SCN3B: variants seen among roughly 807,000 people sequenced by gnomAD.
The protein encoded by SCN3B is sodium voltage-gated channel beta subunit 3, also known as sodium channel regulatory subunit beta-3.
In SCN3B, 11 loss-of-function variants were observed where a neutral mutation model predicts 25.4. The observed-to-expected ratio is 0.43, with a 90% CI of 0.27 to 0.72. The LOEUF (loss-of-function observed/expected upper bound fraction) is 0.72. Among genes scored for constraint, SCN3B ranks in the 30% least tolerant of loss-of-function variants. SCN3B has a pLI of 0.18. For missense variants in SCN3B, 218 were observed against 278.3 expected, an observed-to-expected ratio of 0.78 and a Z score of 1.54; for synonymous variants, 109 against 110.7, an observed-to-expected ratio of 0.99 and a Z score of 0.09.
At chr11:123,649,652 T>C (rs1280747126) in intron 2 of SCN3B, among the ~76,000 whole-genome samples, 1 of 150,900 alleles carries the variant, frequency 6.6e-6, no homozygotes, top group South Asian at 2.1e-4. Context: ...TTTTCTTTCT[T>C]TCTCTTTCTT....
intron 3 of SCN3B, among the ~76,000 whole-genome samples, chr11:123,645,274 C>A (rs1380940566): frequency 6.6e-6 from 1 of 152,092 alleles, no homozygotes; most frequent in Admixed American, 6.6e-5. Context: ...TAGGATGGCA[C>A]AGAAGATTAG....
chr11:123,653,852 A>G (rs1304872035), intron 1 of SCN3B, 26 bp from the exon 2 acceptor site: 4 of 1,594,908 alleles, frequency 2.5e-6, no homozygotes, highest in Non-Finnish European at 2.6e-6. Context: ...CCCTCGGTCA[A>G]GGACTGCGCC....
chr11:123,642,634 C>G lies in SCN3B; in HGVS notation c.257G>C (p.Ser86Thr). The G allele has an allele frequency of 1.2e-6, 2 of 1,614,156 alleles. No homozygotes were observed. The highest frequency in any genetic ancestry group is 1.7e-6 in the Non-Finnish European group (2 of 1,180,032). Residue 86 changes from serine to threonine, a missense_variant, in exon 4 of 7, where the codon AGC becomes ACC. Coordinates refer to ENST00000299333, the MANE Select transcript of SCN3B (RefSeq NM_001040151.2). The surrounding 1 kb of genome is among the most constrained non-coding windows in gnomAD (Gnocchi z 4.3). ...CCACTGCAGGCGCCCCTGAAAGGGG[C>G]TCTCCACCTCCTGGTGGCCATTCCG... Reference protein sequence around the residue: ...EYRNGHQEVESPFQGRLQWNG... With the variant: ...EYRNGHQEVETPFQGRLQWNG...
chr11:123,645,260 A>G (rs1955841269), intron 3 of SCN3B, among the ~76,000 whole-genome samples: 1 of 152,170 alleles, frequency 6.6e-6, no homozygotes, highest in African/African-American at 2.4e-5. Context: ...TTTAATGCAT[A>G]TAATAGGATG....
chr11:123,635,033 T>C (rs577080144), intron 5 of SCN3B, among the ~76,000 whole-genome samples: 3 of 152,360 alleles, frequency 2.0e-5, no homozygotes, highest in African/African-American at 4.8e-5. Flanking sequence ...TTGTATTTTA[T>C]TTGGGAAATC....
chr11:123,638,593 A>G (rs1380201580), intron 4 of SCN3B: 3 of 488,782 alleles, frequency 6.1e-6, no homozygotes, highest in Non-Finnish European at 1.1e-5. Flanking sequence ...AGATATCTAG[A>G]GCTGGCTGTC....
chr11:123,631,189 C>T lies in SCN3B; in HGVS notation c.*2610G>A, dbSNP rs549904690. 4 of 152,208 alleles carry T rather than the reference C, an allele frequency of 2.6e-5. No homozygotes were observed. The East Asian group carries it at 5.8e-4, about 22-fold the overall frequency. 9.4% of individuals were successfully genotyped at this position (152,208 alleles called of 1,614,324 possible). A position where few individuals can be genotyped will look rare whatever the true frequency, so the allele number is the denominator to read the frequency against. ...ATAAGTGATAGATACCATTCAGCTT[C>T]ATTAAAAGCCACGCAAGCAGCATCT... On this transcript the variant is annotated 3_prime_UTR_variant, in exon 7 of 7. Coordinates refer to ENST00000299333, the MANE Select transcript of SCN3B (RefSeq NM_001040151.2).
intron 2 of SCN3B, among the ~76,000 whole-genome samples, chr11:123,649,133 G>C (rs1366808953): frequency 6.6e-6 from 1 of 152,236 alleles, no homozygotes; most frequent in East Asian, 1.9e-4. Flanking sequence ...TGACAGTAGA[G>C]CTGGTGGAGT....
chr11:123,645,787 G>T, intron 2 of SCN3B, 37 bp from the exon 3 acceptor site: 1 of 1,609,704 alleles, frequency 6.2e-7, no homozygotes, highest in Non-Finnish European at 8.5e-7. Context: ...AGGAACAGCA[G>T]GTGGTGGGGG....
intron 3 of SCN3B, among the ~76,000 whole-genome samples, chr11:123,644,814 T>G (rs1258106938): frequency 1.5e-5 from 1 of 68,520 alleles, no homozygotes; most frequent in African/African-American, 1.1e-4. Flanking sequence ...TATATATATA[T>G]ATATATATAT....
chr11:123,642,723 G>A lies in SCN3B; in HGVS notation c.220-52C>T. On this transcript the variant is annotated intron_variant, in intron 3 of 6. Coordinates refer to ENST00000299333, the MANE Select transcript of SCN3B (RefSeq NM_001040151.2). The surrounding 1 kb of genome is among the most constrained non-coding windows in gnomAD (Gnocchi z 4.3). ...AGGGCCAGGAAAGGAGATGGCAGTG[G>A]GGGGAAGCCGAGTTAGGGACAGGGC... 1 of 1,415,050 alleles carries A rather than the reference G, an allele frequency of 7.1e-7. No individual in the cohort carries two copies. The highest frequency in any genetic ancestry group is 9.9e-7 in the Non-Finnish European group (1 of 1,005,614). The allele number at this position is 1,415,050 out of a possible 1,614,324, so 87.7% of individuals were successfully genotyped here.
chr11:123,646,418 A>G (rs564273934), intron 2 of SCN3B, among the ~76,000 whole-genome samples: 1 of 152,192 alleles, frequency 6.6e-6, no homozygotes, highest in Admixed American at 6.5e-5. Context: ...TTCCAGTGTG[A>G]GGTATCCAAT....
At chr11:123,654,035 C>G (rs3851104) in intron 1 of SCN3B, 191 bp downstream of exon 1, 6 of 584,562 alleles carry the variant, frequency 1.0e-5, no homozygotes, top group Non-Finnish European at 1.2e-5. Context: ...TCGAGGGAGC[C>G]GATCAGCCGC....
Position 123,642,549 on chromosome 11 carries a change from G to A in SCN3B, c.342C>T (p.Asp114=). 1 of 1,614,244 alleles carries A rather than the reference G, an allele frequency of 6.2e-7. No homozygotes were observed. Among genetic ancestry groups the A allele is most frequent in the East Asian group, 2.2e-5 (1 of 44,884 alleles). The change falls in exon 4 of 7, where the codon GAC becomes GAT. Residue 114 remains aspartate, a synonymous_variant. Transcript: ENST00000299333. This position sits in a 1 kb window ranked among gnomAD's most constrained non-coding sequence, Gnocchi z 4.3. ...ACACATTGCAGGTGTAGAGGCCAGA[G>A]TCGTTCAGAGTGACGTTGAGCACAG... ...SITVLNVTLN[D]SGLYTCNVSR...
At chr11:123,646,771 G>T (rs1261052557) in intron 2 of SCN3B, among the ~76,000 whole-genome samples, 4 of 152,184 alleles carry the variant, frequency 2.6e-5, no homozygotes, top group Non-Finnish European at 5.9e-5. Context: ...AATGTGAGCT[G>T]CATTAACAGA....
At chr11:123,635,312 T>C (rs955079736) in intron 5 of SCN3B, among the ~76,000 whole-genome samples, 24 of 152,178 alleles carry the variant, frequency 1.6e-4, no homozygotes, top group Admixed American at 1.4e-3. Context: ...ATTAACCTGA[T>C]TGGTGGCTTT....
intron 2 of SCN3B, among the ~76,000 whole-genome samples, chr11:123,652,686 T>C (rs1222439652): frequency 6.6e-6 from 1 of 152,178 alleles, no homozygotes; most frequent in Non-Finnish European, 1.5e-5. Context: ...TGTAAAGCAA[T>C]CTGTCTGCTG....
chr11:123,636,073 T>A (rs577902724), intron 5 of SCN3B, among the ~76,000 whole-genome samples: 1 of 152,252 alleles, frequency 6.6e-6, no homozygotes, highest in Non-Finnish European at 1.5e-5. Flanking sequence ...CTCCATCTAG[T>A]TACGTTTAAA....
At chr11:123,633,803 G>A in intron 6 of SCN3B, 27 bp from the exon 7 acceptor site, 1 of 353,254 alleles carries the variant, frequency 2.8e-6, no homozygotes, top group Non-Finnish European at 5.5e-6. Flanking sequence ...AACTCACTGA[G>A]AATTTCCCAC....
Sources: gnomAD v4.1 joint callset for allele counts (sites outside exome capture counted in the v4.1 genomes callset) on GRCh38, gnomAD v4.1.1 for gene constraint, Gnocchi (gnomAD v3.1) non-coding constraint, MANE v1.5 for transcripts, NCBI Gene and HGNC (gene_info 2026-07-23, HGNC 2026-07-21) for gene names.